SMG6: variants seen among roughly 807,000 people sequenced by gnomAD.
SMG6 encodes telomerase-binding protein EST1A.
Under a neutral mutation model 142.2 loss-of-function variants are expected in SMG6, and 66 were observed. The observed-to-expected ratio is 0.46, with a 90% CI of 0.38 to 0.57. SMG6 has a LOEUF of 0.57. SMG6 is among the 20% of genes least tolerant of loss of function. The probability of loss-of-function intolerance (pLI) is 0.00; values close to 1 mark genes in which losing one functional copy is unlikely to be tolerated. For missense variants in SMG6, 1,793 were observed against 1,832.0 expected, an observed-to-expected ratio of 0.98 and a Z score of 0.39; for synonymous variants, 779 against 702.4, an observed-to-expected ratio of 1.11 and a Z score of -1.72.
At chr17:2,275,441 A>G (rs2074628436) in intron 8 of SMG6, among the ~76,000 whole-genome samples, 1 of 152,118 alleles carries the variant, frequency 6.6e-6, no homozygotes. Context: ...CAAAATTAAA[A>G]TAAGTCTATC....
intron 8 of SMG6, among the ~76,000 whole-genome samples, chr17:2,260,505 C>G (rs1466125479): frequency 6.6e-6 from 1 of 152,228 alleles, no homozygotes; most frequent in Non-Finnish European, 1.5e-5. Context: ...AAGCAAACAC[C>G]TCAAATCTTT....
At chr17:2,224,180 C>T (rs546966087) in intron 10 of SMG6, among the ~76,000 whole-genome samples, 7 of 152,110 alleles carry the variant, frequency 4.6e-5, no homozygotes, top group Non-Finnish European at 8.8e-5. Context: ...TACAAACAGC[C>T]TTTACCCTAA....
In SMG6 at chr17:2,294,185, T is replaced by C. The variant is rs1196587361; in HGVS notation, c.2152-1208A>G. Reference sequence around the variant, plus strand: ...CTCCTACCTAGCACATAACTCAAATTTGTACCTCAGCAAAGTTATAATGAC... The same window carrying C: ...CTCCTACCTAGCACATAACTCAAATCTGTACCTCAGCAAAGTTATAATGAC... On this transcript the variant is annotated intron_variant, in intron 4 of 18. Transcript: ENST00000263073. Among the ~76,000 whole-genome samples, 10 of 152,244 alleles carry C rather than the reference T, an allele frequency of 6.6e-5. No individual in the cohort carries two copies. In the South Asian group the frequency reaches 1.5e-3, roughly 22 times the overall value.
At chr17:2,228,652 C>A (rs9896317) in intron 10 of SMG6, among the ~76,000 whole-genome samples, 11 of 152,258 alleles carry the variant, frequency 7.2e-5, no homozygotes, top group African/African-American at 2.4e-4. Context: ...CGCAAGCCAC[C>A]GTGCCTGGCC....
chr17:2,096,925 T>A (rs2068871964), intron 13 of SMG6, among the ~76,000 whole-genome samples: 1 of 152,170 alleles, frequency 6.6e-6, no homozygotes, highest in African/African-American at 2.4e-5. Context: ...TCTGACTCCA[T>A]TAGCAGCCCT....
intron 13 of SMG6, among the ~76,000 whole-genome samples, chr17:2,148,266 C>G (rs1276571431): frequency 1.3e-5 from 2 of 152,196 alleles, no homozygotes; most frequent in East Asian, 3.8e-4. Flanking sequence ...CTTTCTACTT[C>G]TGGGTATACA....
At position 2,297,317 on chromosome 17, in the gene SMG6, G is replaced by A; in HGVS notation, c.2077C>T (p.Gln693Ter). The change falls in exon 4 of 19, where the codon CAG (glutamine) becomes TAG (stop). Residue 693 changes from glutamine (Q) to a stop codon, truncating the protein, a stop_gained. Coordinates refer to ENST00000263073, the MANE Select transcript of SMG6 (RefSeq NM_017575.5). LOFTEE classifies it high-confidence loss of function. ...DFFDSLLQKLQVTYKFKLEDY... is the reference protein window; with the variant it reads ...DFFDSLLQKL ...TCCAGTTTGAACTTGTAAGTAACCTGCAGCTTCTGAAGCAAACTATCAAAG... is the reference window on the plus strand; with the variant it reads ...TCCAGTTTGAACTTGTAAGTAACCTACAGCTTCTGAAGCAAACTATCAAAG... 6.2e-7 allele frequency: 1 copy of A among 1,612,540 alleles called. No homozygotes were observed. The highest frequency in any genetic ancestry group is 8.5e-7 in the Non-Finnish European group (1 of 1,179,322).
intron 14 of SMG6, among the ~76,000 whole-genome samples, chr17:2,083,246 T>C (rs886989893): frequency 6.6e-6 from 1 of 152,222 alleles, no homozygotes; most frequent in African/African-American, 2.4e-5. Context: ...CTTCTCTAAC[T>C]GTCCAGCTCA....
chr17:2,133,886 T>TA (rs1188461593), intron 13 of SMG6, among the ~76,000 whole-genome samples: 1 of 152,222 alleles, frequency 6.6e-6, no homozygotes, highest in Non-Finnish European at 1.5e-5. Flanking sequence ...GCTGATGCTC[T>TA]ACTAACCATC....
In SMG6 at chr17:2,085,551, G is replaced by C. The variant is rs1289262001; in HGVS notation, c.3534+174C>G. Among the ~76,000 whole-genome samples the C allele has an allele frequency of 7.2e-5, 11 of 152,164 alleles. No homozygotes were observed. Among genetic ancestry groups the C allele is most frequent in the Non-Finnish European group, 1.3e-4 (9 of 68,026 alleles). On this transcript the variant is annotated intron_variant, in intron 14 of 18. Transcript: ENST00000263073. This position sits in a 1 kb window ranked among gnomAD's most constrained non-coding sequence, Gnocchi z 4.1. ...TAGTGGAGTAGGATGGAGGCACCGG[G>C]GTGGACTGGCAGGAAGGGGCACCAT...
intron 13 of SMG6, among the ~76,000 whole-genome samples, chr17:2,162,944 A>C (rs564557991): frequency 6.6e-6 from 1 of 151,970 alleles, no homozygotes; most frequent in African/African-American, 2.4e-5. Flanking sequence ...TGATCCTCCC[A>C]CCTCAGCCTC....
intron 1 of SMG6, among the ~76,000 whole-genome samples, chr17:2,301,581 G>T (rs371276988): frequency 1.3e-5 from 2 of 152,206 alleles, no homozygotes; most frequent in East Asian, 1.9e-4. Context: ...GGTGGGTCAC[G>T]CCTGTAATCC....
intron 13 of SMG6, among the ~76,000 whole-genome samples, chr17:2,105,727 C>T (rs1469576402): frequency 3.3e-5 from 5 of 152,094 alleles, no homozygotes; most frequent in Admixed American, 3.3e-4. Flanking sequence ...AGGATACCTG[C>T]CCTAAAAAGA....
At chr17:2,230,639 A>G (rs551468055) in intron 10 of SMG6, among the ~76,000 whole-genome samples, 2 of 152,162 alleles carry the variant, frequency 1.3e-5, no homozygotes, top group Non-Finnish European at 2.9e-5. Context: ...GTCCCTTGAC[A>G]TACTCACTTC....
At chr17:2,167,678 C>T (rs1013757628) in intron 13 of SMG6, among the ~76,000 whole-genome samples, 4 of 152,064 alleles carry the variant, frequency 2.6e-5, no homozygotes, top group Admixed American at 1.3e-4. Context: ...TCTGGATCTC[C>T]CAGGCTGTGT....
intron 10 of SMG6, chr17:2,233,152 G>A (rs752872210): frequency 3.9e-5 from 6 of 152,292 alleles, no homozygotes; most frequent in Admixed American, 6.5e-5. Flanking sequence ...CTGCTCCCCT[G>A]TGGCTCTCCA....
intron 16 of SMG6, 105 bp from the exon 17 acceptor site, chr17:2,065,784 A>C: frequency 1.1e-6 from 1 of 947,580 alleles, no homozygotes; most frequent in Non-Finnish European, 1.6e-6. Context: ...ACCAGAATCC[A>C]TCCTTCCCCC....
chr17:2,063,476 T>A (rs1454252904), intron 18 of SMG6, among the ~76,000 whole-genome samples: 1 of 152,190 alleles, frequency 6.6e-6, no homozygotes, highest in African/African-American at 2.4e-5. Context: ...TGGCAATGGG[T>A]TCCTGTAGGC....
At chr17:2,118,559 T>C (rs1020933535) in intron 13 of SMG6, among the ~76,000 whole-genome samples, 2 of 151,672 alleles carry the variant, frequency 1.3e-5, no homozygotes, top group East Asian at 1.9e-4. Flanking sequence ...TTATTTCCAA[T>C]GTCTCATAGA....
Sources: allele counts gnomAD v4.1 joint callset (sites outside exome capture counted in the v4.1 genomes callset), GRCh38; gene constraint gnomAD v4.1.1; non-coding constraint Gnocchi (gnomAD v3.1); transcripts MANE v1.5; gene names NCBI Gene and HGNC (gene_info 2026-07-23, HGNC 2026-07-21).